Variants in MYT1L observed in about 807,000 individuals in gnomAD.
MYT1L encodes myelin transcription factor 1 like, also known as myelin transcription factor 1-like protein.
MYT1L carries 12 observed loss-of-function variants against 126.7 expected under a neutral mutation model. The ratio of observed to expected loss-of-function variants is 0.09; its 90% confidence interval spans 0.06 to 0.15. The LOEUF is 0.15. Ranked by LOEUF, MYT1L falls within the 10% of genes least tolerant of loss-of-function variation. The pLI is 1.00. For synonymous variants in MYT1L, 541 were observed against 604.2 expected (o/e 0.90, Z 1.53); for missense variants, 979 against 1,585.2 (o/e 0.62, Z 6.49).
intron 4 of MYT1L, among the ~76,000 whole-genome samples, chr2:2,018,281 A>G (rs1295445736): frequency 6.6e-6 from 1 of 152,148 alleles, no homozygotes; most frequent in Non-Finnish European, 1.5e-5. Context: ...ACACTAACTC[A>G]GGTCATAGCA....
intron 2 of MYT1L, among the ~76,000 whole-genome samples, chr2:2,244,663 C>T (rs574739809): frequency 1.3e-5 from 2 of 152,294 alleles, no homozygotes; most frequent in Non-Finnish European, 2.9e-5. Context: ...AGGAACAGAG[C>T]CAGCTCAGAG....
At chr2:1,982,380 T>C (rs2060675743) in intron 5 of MYT1L, among the ~76,000 whole-genome samples, 2 of 152,166 alleles carry the variant, frequency 1.3e-5, no homozygotes, top group South Asian at 4.2e-4. Flanking sequence ...CAAAATTGAA[T>C]TAAAACATTT....
intron 3 of MYT1L, among the ~76,000 whole-genome samples, chr2:2,075,198 G>T (rs1224693543): frequency 1.3e-5 from 2 of 152,188 alleles, no homozygotes; most frequent in African/African-American, 4.8e-5. Flanking sequence ...TTATCAGATG[G>T]CATGGTGATC....
chr2:1,885,759 C>T (rs2048093284), intron 18 of MYT1L, among the ~76,000 whole-genome samples: 1 of 152,150 alleles, frequency 6.6e-6, no homozygotes, highest in Non-Finnish European at 1.5e-5. Context: ...GTGAGCATCT[C>T]CCAGGTCTCA....
chr2:1,933,616 G>A (rs190898118), intron 9 of MYT1L, among the ~76,000 whole-genome samples: 17 of 152,298 alleles, frequency 1.1e-4, no homozygotes, highest in African/African-American at 1.9e-4. Flanking sequence ...ACTGTGGTGC[G>A]TGTGGCTCTT....
intron 3 of MYT1L, among the ~76,000 whole-genome samples, chr2:2,063,177 CT>C (rs1375979986): frequency 6.6e-6 from 1 of 152,102 alleles, no homozygotes; most frequent in Non-Finnish European, 1.5e-5. Context: ...TCATCTTCTC[CT>C]TCTTCTACTT....
At chr2:1,818,393 T>C (rs2038014242) in intron 21 of MYT1L, among the ~76,000 whole-genome samples, 1 of 152,226 alleles carries the variant, frequency 6.6e-6, no homozygotes, top group South Asian at 2.1e-4. Context: ...TCCTTCACAG[T>C]GAGTTTCACT....
chr2:2,215,705 G>C (rs1219606533), intron 2 of MYT1L, among the ~76,000 whole-genome samples: 2 of 152,158 alleles, frequency 1.3e-5, no homozygotes, highest in East Asian at 3.9e-4. Context: ...ACAAAACACT[G>C]CCTCCAACAA....
At chr2:2,212,027 C>T (rs2093535780) in intron 2 of MYT1L, among the ~76,000 whole-genome samples, 1 of 152,022 alleles carries the variant, frequency 6.6e-6, no homozygotes, top group Non-Finnish European at 1.5e-5. Context: ...GTCAGGGTTC[C>T]AATGTCAAGC....
chr2:1,998,651 C>T (rs1210010268), intron 4 of MYT1L, among the ~76,000 whole-genome samples: 1 of 152,138 alleles, frequency 6.6e-6, no homozygotes, highest in East Asian at 1.9e-4. Context: ...TGATTAGTCC[C>T]TTGAAGGAGA....
intron 11 of MYT1L, among the ~76,000 whole-genome samples, chr2:1,914,933 G>A (rs1039520228): frequency 6.6e-6 from 1 of 152,208 alleles, no homozygotes; most frequent in African/African-American, 2.4e-5. Flanking sequence ...CAGGACAGCT[G>A]GAGCATCACC....
At chr2:2,249,334 A>G (rs2094592649) in intron 2 of MYT1L, among the ~76,000 whole-genome samples, 1 of 152,042 alleles carries the variant, frequency 6.6e-6, no homozygotes, top group South Asian at 2.1e-4. Context: ...ATATCTCTAT[A>G]ATGAAGACCA....
At chr2:2,294,735 C>G (rs2095646908) in intron 1 of MYT1L, among the ~76,000 whole-genome samples, 1 of 152,190 alleles carries the variant, frequency 6.6e-6, no homozygotes, top group South Asian at 2.1e-4. Context: ...ATTAAAGTGT[C>G]AGCGGATGCT....
At chr2:2,231,399 T>A (rs1373075727) in intron 2 of MYT1L, among the ~76,000 whole-genome samples, 2 of 152,228 alleles carry the variant, frequency 1.3e-5, no homozygotes, top group Non-Finnish European at 2.9e-5. Context: ...GCCTAAGATT[T>A]TCAAGGCTCG....
intron 2 of MYT1L, among the ~76,000 whole-genome samples, chr2:2,273,534 C>G (rs927625334): frequency 6.6e-6 from 1 of 152,168 alleles, no homozygotes; most frequent in African/African-American, 2.4e-5. Flanking sequence ...GCCTGGTCGC[C>G]CAGCCAAAGC....
At chr2:2,106,130 C>T (rs1008304999) in intron 3 of MYT1L, among the ~76,000 whole-genome samples, 7 of 152,302 alleles carry the variant, frequency 4.6e-5, no homozygotes, top group South Asian at 4.1e-4. Context: ...GTGGCTCACC[C>T]GGGATCGGAC....
intron 18 of MYT1L, among the ~76,000 whole-genome samples, chr2:1,864,948 G>A (rs2045257560): frequency 6.6e-6 from 1 of 152,174 alleles, no homozygotes; most frequent in Non-Finnish European, 1.5e-5. Flanking sequence ...GCTTAGTTGT[G>A]CCCGATTGCT....
chr2:1,935,160 C>T, intron 9 of MYT1L, among the ~76,000 whole-genome samples: 1 of 152,152 alleles, frequency 6.6e-6, no homozygotes, highest in East Asian at 1.9e-4. Context: ...TTAAAGCCTC[C>T]ACCTCAGTTT....
At chr2:2,017,242 T>C (rs1234083186) in intron 4 of MYT1L, among the ~76,000 whole-genome samples, 1 of 152,236 alleles carries the variant, frequency 6.6e-6, no homozygotes, top group Non-Finnish European at 1.5e-5. Context: ...TGACATCAAC[T>C]AACCTCCTTC....
Sources: allele counts gnomAD v4.1 joint callset (sites outside exome capture counted in the v4.1 genomes callset), GRCh38; gene constraint gnomAD v4.1.1; transcripts MANE v1.5; gene names NCBI Gene and HGNC (gene_info 2026-07-23, HGNC 2026-07-21).